Variants in PTGER3 observed in about 807,000 individuals in gnomAD.
PTGER3 encodes the protein prostaglandin E2 receptor EP3 subtype.
Under a neutral mutation model 34.7 loss-of-function variants are expected in PTGER3, and 22 were observed. The ratio of observed to expected loss-of-function variants is 0.63; its 90% CI spans 0.45 to 0.91. The LOEUF (loss-of-function observed/expected upper bound fraction) is 0.91, where lower values mean the gene tolerates loss of function less well. PTGER3 is among the 40% of genes least tolerant of loss of function. PTGER3 has a pLI of 0.00. For missense variants in PTGER3, 468 were observed against 519.4 expected, an observed-to-expected ratio of 0.90 and a Z score of 0.96; for synonymous variants, 241 against 230.1, an observed-to-expected ratio of 1.05 and a Z score of -0.43.
rs537111143 is a variant in PTGER3, at chr1:70,886,369, G to T, written c.*24-33510C>A. The T allele has an allele frequency of 1.7e-4, 72 of 433,926 alleles. 3 individuals carry two copies. Among genetic ancestry groups the T allele is most frequent in the South Asian group, 1.2e-3 (70 of 58,630 alleles). The allele number at this position is 433,926 out of a possible 1,614,324, so 26.9% of individuals were successfully genotyped here. A position where few individuals can be genotyped will look rare whatever the true frequency, so the allele number is the denominator to read the frequency against. On this transcript the variant is annotated intron_variant, in intron 4 of 4. Transcript: ENST00000370931. Reference sequence around the variant, plus strand: ...TTCTGTTGTTTAAGCCACCTAGTCTGTGGTATCTTGTTATAGCTTCCCAAA... The same window carrying T: ...TTCTGTTGTTTAAGCCACCTAGTCTTTGGTATCTTGTTATAGCTTCCCAAA...
chr1:70,997,520 T>G (rs1376499980), intron 2 of PTGER3, among the ~76,000 whole-genome samples: 2 of 152,220 alleles, frequency 1.3e-5, no homozygotes, highest in East Asian at 3.8e-4. Flanking sequence ...ATGAAGTCAA[T>G]CCAATAATCC....
intron 4 of PTGER3, among the ~76,000 whole-genome samples, chr1:70,938,695 A>G (rs1649475564): frequency 6.6e-6 from 1 of 152,108 alleles, no homozygotes; most frequent in Non-Finnish European, 1.5e-5. Flanking sequence ...GGAAGAAACA[A>G]AAGTGGAAAC....
chr1:71,025,372 A>G (rs1658835317), intron 1 of PTGER3, among the ~76,000 whole-genome samples: 1 of 152,050 alleles, frequency 6.6e-6, no homozygotes, highest in Non-Finnish European at 1.5e-5. Context: ...AGTATTTAAA[A>G]TAAAATATAT....
intron 1 of PTGER3, among the ~76,000 whole-genome samples, chr1:71,042,789 A>T (rs1660431192): frequency 6.6e-6 from 1 of 152,240 alleles, no homozygotes; most frequent in African/African-American, 2.4e-5. Flanking sequence ...AATGAAAAAA[A>T]ATCACAACTA....
At chr1:70,943,498 C>T (rs1291014864) in intron 4 of PTGER3, among the ~76,000 whole-genome samples, 1 of 152,060 alleles carries the variant, frequency 6.6e-6, no homozygotes, top group African/African-American at 2.4e-5. Flanking sequence ...ATAGCAGGAA[C>T]AAGATCTTCT....
chr1:70,890,156 C>A (rs931807866), intron 4 of PTGER3, among the ~76,000 whole-genome samples: 2 of 152,108 alleles, frequency 1.3e-5, no homozygotes, highest in African/African-American at 4.8e-5. Context: ...AAGCATAGAC[C>A]CTCCACTCAG....
intron 1 of PTGER3, among the ~76,000 whole-genome samples, chr1:71,024,645 C>CTTTTTTTTTTTTTTTTT (rs35271200): frequency 8.5e-6 from 1 of 117,134 alleles, no homozygotes; most frequent in East Asian, 2.7e-4. Flanking sequence ...CCTTTTCTTT[C>CTTTTTTTTTTTTTTTTT]TTTTTTTTTT....
At chr1:71,046,095 C>T (rs1660761095) in intron 1 of PTGER3, among the ~76,000 whole-genome samples, 1 of 150,860 alleles carries the variant, frequency 6.6e-6, no homozygotes. Context: ...AGATCGAGAC[C>T]ACGGTGAAAC....
At chr1:71,008,473 C>T (rs752311775) in intron 2 of PTGER3, 137 of 909,252 alleles carry the variant, frequency 1.5e-4, no homozygotes, top group Non-Finnish European at 1.8e-4. Flanking sequence ...AAATATTTTC[C>T]CTAATTCTTT....
chr1:71,022,107 C>T (rs2300175), intron 1 of PTGER3, among the ~76,000 whole-genome samples: 50,219 of 151,302 alleles, frequency 0.33, 9,094 homozygotes, highest in South Asian at 0.45. Flanking sequence ...TGTATGTTTT[C>T]CCCAAATTCT....
intron 4 of PTGER3, among the ~76,000 whole-genome samples, chr1:70,898,448 A>G (rs1646769062): frequency 6.6e-6 from 1 of 152,132 alleles, no homozygotes; most frequent in South Asian, 2.1e-4. Context: ...CTAAGACTTC[A>G]TTATTCCTCA....
At chr1:71,015,513 T>C (rs1170969375) in intron 1 of PTGER3, among the ~76,000 whole-genome samples, 1 of 152,240 alleles carries the variant, frequency 6.6e-6, no homozygotes, top group Non-Finnish European at 1.5e-5. Flanking sequence ...TATTGTGAGA[T>C]AAAAGATGTA....
At chr1:70,934,783 TA>T (rs1316528770) in intron 4 of PTGER3, among the ~76,000 whole-genome samples, 2 of 152,162 alleles carry the variant, frequency 1.3e-5, no homozygotes, top group Non-Finnish European at 2.9e-5. Flanking sequence ...GCATGCTTTC[TA>T]AAACACTGTC....
chr1:71,040,439 T>TAA (rs56787559), intron 1 of PTGER3, among the ~76,000 whole-genome samples: 2 of 147,954 alleles, frequency 1.4e-5, no homozygotes, highest in African/African-American at 5.0e-5. Flanking sequence ...CCGTCTCTAG[T>TAA]AAAAAAAAAA....
chr1:70,963,529 G>A (rs1321368764), intron 2 of PTGER3, among the ~76,000 whole-genome samples: 1 of 152,326 alleles, frequency 6.6e-6, no homozygotes, highest in Non-Finnish European at 1.5e-5. Context: ...TTGTGTACCT[G>A]CAGGCCCAAC....
At chr1:70,864,467 G>A (rs1015353722) in intron 4 of PTGER3, among the ~76,000 whole-genome samples, 1 of 152,130 alleles carries the variant, frequency 6.6e-6, no homozygotes, top group Non-Finnish European at 1.5e-5. Flanking sequence ...TAAACACGGA[G>A]GACATTGGAA....
At chr1:70,985,887 T>C (rs1482318258) in intron 2 of PTGER3, among the ~76,000 whole-genome samples, 1 of 152,172 alleles carries the variant, frequency 6.6e-6, no homozygotes, top group African/African-American at 2.4e-5. Flanking sequence ...TAAGATGACA[T>C]TGTCAGAGGC....
At chr1:70,997,807 G>C (rs6690000) in intron 2 of PTGER3, among the ~76,000 whole-genome samples, 138,506 of 152,292 alleles carry the variant, frequency 0.91, 63,063 homozygotes, top group East Asian at 0.96. Flanking sequence ...ACAAATCTTT[G>C]TCTTTTACAC....
intron 4 of PTGER3, among the ~76,000 whole-genome samples, chr1:70,929,351 A>C (rs1238080373): frequency 1.3e-5 from 2 of 152,206 alleles, no homozygotes; most frequent in Admixed American, 6.5e-5. Context: ...TAGCTTTTGC[A>C]GTTGATTTCA....
Sources: gnomAD v4.1 joint callset for allele counts (sites outside exome capture counted in the v4.1 genomes callset) on GRCh38, gnomAD v4.1.1 for gene constraint, MANE v1.5 for transcripts, NCBI Gene and HGNC (gene_info 2026-07-23, HGNC 2026-07-21) for gene names.